The following ATXN7L1 variants were observed in gnomAD, a reference collection of about 807,000 sequenced individuals.
ATXN7L1 encodes ataxin 7 like 1, also known as ataxin-7-like protein 1.
In ATXN7L1, 15 loss-of-function variants were observed where a neutral mutation model predicts 70.8. The ratio of observed to expected loss-of-function variants is 0.21; its 90% CI spans 0.14 to 0.33. ATXN7L1 has a LOEUF of 0.33. Among genes scored for constraint, ATXN7L1 ranks in the 10% least tolerant of loss-of-function variants. ATXN7L1 has a pLI of 1.00. For missense variants in ATXN7L1, 975 were observed against 1,097.1 expected (o/e 0.89, Z 1.57); for synonymous variants, 440 against 445.1 (o/e 0.99, Z 0.14).
intron 4 of ATXN7L1, among the ~76,000 whole-genome samples, chr7:105,654,925 G>A (rs846944): frequency 0.016 from 1,696 of 109,384 alleles, 30 homozygotes; most frequent in African/African-American, 0.056. Context: ...TTTTTTTTTT[G>A]TATTTTTAGT....
At chr7:105,785,932 T>C (rs1347238720) in intron 3 of ATXN7L1, among the ~76,000 whole-genome samples, 1 of 152,200 alleles carries the variant, frequency 6.6e-6, no homozygotes, top group Non-Finnish European at 1.5e-5. Flanking sequence ...AGCCACCTAG[T>C]CTATGATACT....
At chr7:105,724,691 C>T (rs1262362090) in intron 3 of ATXN7L1, among the ~76,000 whole-genome samples, 1 of 151,786 alleles carries the variant, frequency 6.6e-6, no homozygotes, top group Non-Finnish European at 1.5e-5. Flanking sequence ...CCTCTCTCCT[C>T]ACTTCTGTTG....
At chr7:105,860,780 CA>C (rs1816510320) in intron 2 of ATXN7L1, among the ~76,000 whole-genome samples, 1 of 152,138 alleles carries the variant, frequency 6.6e-6, no homozygotes, top group African/African-American at 2.4e-5. Context: ...ATTTCAAAAA[CA>C]AGATGCTTAG....
intron 3 of ATXN7L1, among the ~76,000 whole-genome samples, chr7:105,733,480 G>GTCCA (rs1796803105): frequency 8.3e-6 from 1 of 121,166 alleles, no homozygotes; most frequent in Non-Finnish European, 1.7e-5. Flanking sequence ...CCTCCAGGAG[G>GTCCA]TCCATCCATC....
intron 7 of ATXN7L1, among the ~76,000 whole-genome samples, chr7:105,637,201 G>C (rs1797516160): frequency 6.6e-6 from 1 of 152,196 alleles, no homozygotes; most frequent in Admixed American, 6.5e-5. Flanking sequence ...TAATGACAGA[G>C]GGACTCTGGC....
In ATXN7L1 at chr7:105,788,594, G is replaced by A. The variant is rs774279362; in HGVS notation, c.355+10C>T. 6.3e-7 allele frequency: 1 copy of A among 1,596,014 alleles called. No homozygotes were observed. The highest frequency in any genetic ancestry group is 8.6e-7 in the Non-Finnish European group (1 of 1,163,632). On this transcript the variant is annotated intron_variant, in intron 3 of 11. Transcript: ENST00000419735. ...TGCAGATGTGGCCGACGGTGCAGGG[G>A]TCCACTTACCGCAGTGCGACTGGAA...
intron 3 of ATXN7L1, among the ~76,000 whole-genome samples, chr7:105,785,107 C>G (rs1804102948): frequency 6.6e-6 from 1 of 152,214 alleles, no homozygotes; most frequent in South Asian, 2.1e-4. Flanking sequence ...CCTTAGCTTC[C>G]TCAATTACAA....
intron 3 of ATXN7L1, among the ~76,000 whole-genome samples, chr7:105,682,797 G>C (rs1327094166): frequency 3.9e-5 from 6 of 152,180 alleles, no homozygotes; most frequent in African/African-American, 1.4e-4. Context: ...GGGGGAGGGG[G>C]AATAACTGCT....
intron 2 of ATXN7L1, among the ~76,000 whole-genome samples, chr7:105,790,183 T>G (rs534874331): frequency 1.3e-5 from 2 of 152,054 alleles, no homozygotes; most frequent in Non-Finnish European, 2.9e-5. Context: ...TGCTAACAGG[T>G]ATAGAGTTTC....
chr7:105,682,343 G>A (rs961897465), intron 3 of ATXN7L1, among the ~76,000 whole-genome samples: 41 of 152,254 alleles, frequency 2.7e-4, no homozygotes, highest in African/African-American at 8.2e-4. Context: ...TAAGTTTCAC[G>A]TTAAGCATAT....
chr7:105,870,086 A>C (rs867877628), intron 2 of ATXN7L1, among the ~76,000 whole-genome samples: 7 of 152,164 alleles, frequency 4.6e-5, no homozygotes, highest in South Asian at 2.1e-4. Context: ...TCGAGACCAT[A>C]CTGGTTAACA....
chr7:105,816,801 A>AGTGCAC (rs1324050556), intron 2 of ATXN7L1, among the ~76,000 whole-genome samples: 1 of 152,266 alleles, frequency 6.6e-6, no homozygotes, highest in Non-Finnish European at 1.5e-5. Flanking sequence ...AACCCTGCAG[A>AGTGCAC]GTGCAGGGAG....
At chr7:105,692,365 C>A (rs1027426861) in intron 3 of ATXN7L1, among the ~76,000 whole-genome samples, 5 of 149,780 alleles carry the variant, frequency 3.3e-5, no homozygotes, top group African/African-American at 9.9e-5. Flanking sequence ...GGATGAATTT[C>A]TTTCTTTCCT....
At chr7:105,871,633 C>A (rs1818283877) in intron 2 of ATXN7L1, among the ~76,000 whole-genome samples, 1 of 151,952 alleles carries the variant, frequency 6.6e-6, no homozygotes. Context: ...TCGCTTGAAC[C>A]CACGAGGTGG....
intron 3 of ATXN7L1, among the ~76,000 whole-genome samples, chr7:105,753,238 G>C (rs1177964876): frequency 4.6e-5 from 7 of 152,222 alleles, no homozygotes; most frequent in African/African-American, 1.4e-4. Context: ...AAGAGCTCTG[G>C]TGCAAGTTGC....
intron 3 of ATXN7L1, chr7:105,788,164 G>T: frequency 6.4e-6 from 1 of 155,904 alleles, no homozygotes; most frequent in Non-Finnish European, 1.4e-5. Flanking sequence ...ATTTCCTTGG[G>T]GCAGCACCCC....
At chr7:105,853,464 G>C (rs1380488377) in intron 2 of ATXN7L1, among the ~76,000 whole-genome samples, 1 of 152,162 alleles carries the variant, frequency 6.6e-6, no homozygotes, top group Non-Finnish European at 1.5e-5. Context: ...TGAGGCAGGA[G>C]AATCACTTGA....
chr7:105,613,006 C>T (rs1477434845), intron 10 of ATXN7L1, among the ~76,000 whole-genome samples: 1 of 152,180 alleles, frequency 6.6e-6, no homozygotes, highest in Non-Finnish European at 1.5e-5. Context: ...GACCTGGCTC[C>T]CCAGAGAATC....
At chr7:105,731,542 C>T (rs1460918054) in intron 3 of ATXN7L1, among the ~76,000 whole-genome samples, 4 of 149,564 alleles carry the variant, frequency 2.7e-5, no homozygotes, top group Admixed American at 2.0e-4. Flanking sequence ...TCAAGCGATT[C>T]TCCTGCCTCA....
Sources: gnomAD v4.1 joint callset for allele counts (sites outside exome capture counted in the v4.1 genomes callset) on GRCh38, gnomAD v4.1.1 for gene constraint, MANE v1.5 for transcripts, NCBI Gene and HGNC (gene_info 2026-07-23, HGNC 2026-07-21) for gene names.